Variants in SEL1L2 observed in about 807,000 individuals in gnomAD.
SEL1L2 encodes the protein SEL1L2 adaptor subunit of SYVN1 ubiquitin ligase.
SEL1L2 carries 89 observed loss-of-function variants against 98.8 expected under a neutral mutation model. That is an observed-to-expected ratio of 0.90 (90% confidence interval 0.76 to 1.07). The LOEUF is 1.07. Among genes scored for constraint, SEL1L2 ranks in the 50% least tolerant of loss-of-function variants. The pLI, the probability that SEL1L2 is intolerant of heterozygous loss-of-function variation, is 0.00. For synonymous variants in SEL1L2, 262 were observed against 278.5 expected, an observed-to-expected ratio of 0.94 and a Z score of 0.59; for missense variants, 788 against 812.0, an observed-to-expected ratio of 0.97 and a Z score of 0.36.
At chr20:13,934,076 G>A (rs1250555348) in intron 2 of SEL1L2, among the ~76,000 whole-genome samples, 1 of 149,840 alleles carries the variant, frequency 6.7e-6, no homozygotes, top group Non-Finnish European at 1.5e-5. Flanking sequence ...CACCCGAGCA[G>A]TATACACGGA....
intron 14 of SEL1L2, among the ~76,000 whole-genome samples, 180 bp downstream of exon 14, chr20:13,869,323 C>A (rs1359161493): frequency 6.6e-6 from 1 of 152,200 alleles, no homozygotes; most frequent in Admixed American, 6.5e-5. Context: ...TCTGCACCTC[C>A]TTGTCCCCCC....
At chr20:13,907,700 C>CTCTTTCTT (rs10665105) in intron 5 of SEL1L2, among the ~76,000 whole-genome samples, 10,742 of 125,320 alleles carry the variant, frequency 0.086, 548 homozygotes, top group East Asian at 0.1. Flanking sequence ...TTCTTTCTTT[C>CTCTTTCTT]TCTTTCTTTC....
chr20:13,865,588 C>T, intron 15 of SEL1L2, 74 bp from the exon 16 acceptor site: 1 of 1,299,120 alleles, frequency 7.7e-7, no homozygotes, highest in Non-Finnish European at 1.1e-6. Context: ...GAAAGGAAAT[C>T]AGTCTTCAGC....
rs74581623 is a variant in SEL1L2 at position 13,895,447 on chromosome 20, T to TAA, written c.550-6937_550-6936dup. ...TGGGAAATAGAGCCAGATCTTGTCC[T>TAA]AAAAAAAAAAAAAAAAAAAAGCCAG... On this transcript the variant is annotated intron_variant, in intron 5 of 19. Coordinates refer to ENST00000284951, the MANE Select transcript of SEL1L2 (RefSeq NM_025229.2). Among the ~76,000 whole-genome samples, 239 of 92,992 alleles carry TAA rather than the reference T, an allele frequency of 2.6e-3. 1 individual carries two copies. The highest frequency in any genetic ancestry group is 6.3e-3 in the Middle Eastern group (1 of 160). The allele number at this position is 92,992 out of a possible 152,430, so 61.0% of individuals were successfully genotyped here.
intron 5 of SEL1L2, among the ~76,000 whole-genome samples, chr20:13,901,948 C>T (rs983141494): frequency 1.3e-5 from 2 of 152,170 alleles, no homozygotes; most frequent in Non-Finnish European, 2.9e-5. Flanking sequence ...CAGCCATGAG[C>T]CACTGCCCCT....
rs114774322 is a variant in SEL1L2, at chr20:13,879,830, A to C, written c.958-2242T>G. Among the ~76,000 whole-genome samples, 399 of 152,294 alleles carry C rather than the reference A, an allele frequency of 2.6e-3. 2 individuals carry two copies. Among genetic ancestry groups the C allele is most frequent in the African/African-American group, 9.0e-3 (376 of 41,548 alleles). ...GAGAGAACACTAATATCAAAAATAA[A>C]AGTGTATCTCATGAATCTCTCTACT... On this transcript the variant is annotated intron_variant, in intron 10 of 19. Coordinates refer to ENST00000284951, the MANE Select transcript of SEL1L2 (RefSeq NM_025229.2).
chr20:13,942,377 A>G (rs1600849880), intron 2 of SEL1L2, among the ~76,000 whole-genome samples: 1 of 152,230 alleles, frequency 6.6e-6, no homozygotes, highest in Non-Finnish European at 1.5e-5. Context: ...GAGTTTTTCT[A>G]TAAGAAAACT....
At chr20:13,987,536 G>A (rs1030024571) in intron 1 of SEL1L2, among the ~76,000 whole-genome samples, 4 of 151,878 alleles carry the variant, frequency 2.6e-5, no homozygotes, top group African/African-American at 9.7e-5. Context: ...AGTAGAGACA[G>A]GGTTTCACCA....
chr20:13,924,967 T>C (rs1479678752), intron 3 of SEL1L2, among the ~76,000 whole-genome samples: 1 of 151,994 alleles, frequency 6.6e-6, no homozygotes, highest in Non-Finnish European at 1.5e-5. Flanking sequence ...GGTGAGATCC[T>C]GTCTCTACTA....
At chr20:13,988,988 G>A (rs1228139812) in intron 1 of SEL1L2, among the ~76,000 whole-genome samples, 2 of 152,128 alleles carry the variant, frequency 1.3e-5, no homozygotes, top group Non-Finnish European at 2.9e-5. Context: ...ACTCCAGCCT[G>A]GGCAACAAGA....
At chr20:13,894,401 A>T (rs1165474903) in intron 5 of SEL1L2, among the ~76,000 whole-genome samples, 1 of 152,166 alleles carries the variant, frequency 6.6e-6, no homozygotes, top group African/African-American at 2.4e-5. Context: ...CTTTAATAAA[A>T]ATACAAAAAT....
intron 5 of SEL1L2, among the ~76,000 whole-genome samples, chr20:13,896,526 A>C (rs573530143): frequency 3.9e-4 from 58 of 147,732 alleles, no homozygotes; most frequent in Middle Eastern, 3.4e-3. Context: ...CCCACACACA[A>C]AAAACTAATA....
intron 5 of SEL1L2, among the ~76,000 whole-genome samples, chr20:13,907,821 G>A (rs891695799): frequency 1.3e-5 from 2 of 149,828 alleles, no homozygotes; most frequent in South Asian, 2.1e-4. Flanking sequence ...AGGCTGGAGT[G>A]TAGTGACATG....
chr20:13,884,396 A>G (rs542842030), intron 10 of SEL1L2, among the ~76,000 whole-genome samples: 51 of 152,350 alleles, frequency 3.3e-4, no homozygotes, highest in African/African-American at 1.1e-3. Context: ...AACTCATCCC[A>G]TGACCCTGGC....
chr20:13,917,786 CTTTTTTTTTTTTTTTT>C (rs5840588), intron 4 of SEL1L2, among the ~76,000 whole-genome samples: 15 of 50,072 alleles, frequency 3.0e-4, no homozygotes, highest in South Asian at 1.3e-3. Flanking sequence ...TTCTTTCTTT[CTTTTTTTTTTTTTTTT>C]TTTTTTTTTT....
intron 5 of SEL1L2, among the ~76,000 whole-genome samples, chr20:13,895,241 G>A (rs2047370491): frequency 6.6e-6 from 1 of 152,136 alleles, no homozygotes; most frequent in African/African-American, 2.4e-5. Context: ...TCACGAGTTT[G>A]AGACCAGCCT....
chr20:13,946,971 A>G (rs565017314), intron 2 of SEL1L2, among the ~76,000 whole-genome samples: 46 of 152,282 alleles, frequency 3.0e-4, no homozygotes, highest in African/African-American at 1.1e-3. Flanking sequence ...GGATGGCTCA[A>G]TGCAGGCCTG....
chr20:13,932,353 C>T (rs1223632842), intron 2 of SEL1L2, among the ~76,000 whole-genome samples: 1 of 151,526 alleles, frequency 6.6e-6, no homozygotes, highest in Non-Finnish European at 1.5e-5. Context: ...TCATGATTTA[C>T]CTACATAATT....
intron 18 of SEL1L2, among the ~76,000 whole-genome samples, 178 bp from the exon 19 acceptor site, chr20:13,850,497 C>G (rs1044420632): frequency 1.3e-5 from 2 of 152,096 alleles, no homozygotes; most frequent in Non-Finnish European, 2.9e-5. Context: ...TATCTCAGGG[C>G]TGGGGATGGA....
Sources: allele counts gnomAD v4.1 joint callset (sites outside exome capture counted in the v4.1 genomes callset), GRCh38; gene constraint gnomAD v4.1.1; transcripts MANE v1.5; gene names NCBI Gene and HGNC (gene_info 2026-07-23, HGNC 2026-07-21).